FBXL7: variants seen among roughly 807,000 people sequenced by gnomAD.
FBXL7 encodes the protein F-box/LRR-repeat protein 7.
In FBXL7, 12 loss-of-function variants were observed where a neutral mutation model predicts 38.3. The ratio of observed to expected loss-of-function variants is 0.31; its 90% CI spans 0.20 to 0.51. FBXL7 has a LOEUF of 0.51. Among genes scored for constraint, FBXL7 ranks in the 20% least tolerant of loss-of-function variants. The pLI is 0.98. For synonymous variants in FBXL7, 297 were observed against 300.9 expected (o/e 0.99, Z 0.13); for missense variants, 567 against 676.4 (o/e 0.84, Z 1.79).
chr5:15,545,222 A>G (rs1737865733), intron 1 of FBXL7, among the ~76,000 whole-genome samples: 1 of 152,338 alleles, frequency 6.6e-6, no homozygotes, highest in African/African-American at 2.4e-5. Flanking sequence ...TCCCAGATCT[A>G]TCTGGTACCA....
intron 1 of FBXL7, among the ~76,000 whole-genome samples, chr5:15,558,711 A>C (rs1299043853): frequency 6.6e-6 from 1 of 152,222 alleles, no homozygotes; most frequent in Non-Finnish European, 1.5e-5. Context: ...TTAAACCCAC[A>C]TTGTATAGTG....
At chr5:15,725,868 G>T (rs1744333846) in intron 2 of FBXL7, among the ~76,000 whole-genome samples, 1 of 151,950 alleles carries the variant, frequency 6.6e-6, no homozygotes, top group Admixed American at 6.6e-5. Flanking sequence ...TGTTATTTCT[G>T]TGTTTATTAA....
chr5:15,633,872 C>A (rs4440359), intron 2 of FBXL7, among the ~76,000 whole-genome samples: 25,236 of 151,592 alleles, frequency 0.17, 2,204 homozygotes, highest in Non-Finnish European at 0.18. Context: ...CCTCCAACTC[C>A]CAGGTCCAAG....
chr5:15,562,844 A>T (rs1447490502), intron 1 of FBXL7, among the ~76,000 whole-genome samples: 2 of 152,150 alleles, frequency 1.3e-5, no homozygotes, highest in Non-Finnish European at 2.9e-5. Flanking sequence ...TCCCTGCCTT[A>T]ATGGGACTTA....
At chr5:15,734,242 C>T (rs1271980927) in intron 2 of FBXL7, among the ~76,000 whole-genome samples, 4 of 152,246 alleles carry the variant, frequency 2.6e-5, no homozygotes, top group African/African-American at 7.2e-5. Flanking sequence ...TCCTCATTCC[C>T]TCCAAAGCCA....
chr5:15,661,948 G>A (rs933132623), intron 2 of FBXL7, among the ~76,000 whole-genome samples: 1 of 152,144 alleles, frequency 6.6e-6, no homozygotes, highest in Non-Finnish European at 1.5e-5. Flanking sequence ...GGGCATTTAG[G>A]TTGATTCCAT....
chr5:15,556,326 C>T (rs1440511478), intron 1 of FBXL7, among the ~76,000 whole-genome samples: 1 of 151,990 alleles, frequency 6.6e-6, no homozygotes, highest in Non-Finnish European at 1.5e-5. Flanking sequence ...CCCAAGCAGC[C>T]AGGCATAGAG....
intron 2 of FBXL7, among the ~76,000 whole-genome samples, chr5:15,770,317 G>A (rs955970183): frequency 2.0e-5 from 3 of 152,114 alleles, no homozygotes; most frequent in Admixed American, 6.5e-5. Context: ...AGCTGGGGAG[G>A]GCCATGTCAG....
chr5:15,668,299 C>T (rs367686684), intron 2 of FBXL7, among the ~76,000 whole-genome samples: 1 of 151,912 alleles, frequency 6.6e-6, no homozygotes, highest in East Asian at 1.9e-4. Context: ...CTACGTTTTT[C>T]CTCAAGATCA....
chr5:15,564,855 A>C (rs181963732), intron 1 of FBXL7, among the ~76,000 whole-genome samples: 1 of 152,226 alleles, frequency 6.6e-6, no homozygotes, highest in Non-Finnish European at 1.5e-5. Context: ...CTCCTGCGCT[A>C]ATGATGCACA....
chr5:15,634,623 A>T, intron 2 of FBXL7, among the ~76,000 whole-genome samples: 1 of 152,064 alleles, frequency 6.6e-6, no homozygotes, highest in East Asian at 1.9e-4. Context: ...GCCTGGCTTT[A>T]TGCATCAGTT....
intron 2 of FBXL7, among the ~76,000 whole-genome samples, chr5:15,865,993 T>C (rs1239764293): frequency 6.6e-6 from 1 of 152,144 alleles, no homozygotes; most frequent in African/African-American, 2.4e-5. Flanking sequence ...TAAGAGTAGA[T>C]CTCCTACCCA....
intron 2 of FBXL7, among the ~76,000 whole-genome samples, chr5:15,843,147 G>A (rs761169089): frequency 3.3e-5 from 5 of 152,138 alleles, no homozygotes; most frequent in Non-Finnish European, 7.3e-5. Flanking sequence ...TTCTACATAT[G>A]TATAGTGTTA....
intron 2 of FBXL7, among the ~76,000 whole-genome samples, chr5:15,914,586 G>A (rs1485371611): frequency 6.6e-6 from 1 of 152,098 alleles, no homozygotes; most frequent in Non-Finnish European, 1.5e-5. Flanking sequence ...GTATGTACTA[G>A]CTAAGCCTAA....
intron 2 of FBXL7, among the ~76,000 whole-genome samples, chr5:15,652,787 C>T (rs1741753145): frequency 6.6e-6 from 1 of 152,170 alleles, no homozygotes; most frequent in Non-Finnish European, 1.5e-5. Flanking sequence ...TCAGAACACA[C>T]ACATTTATTG....
chr5:15,671,975 A>G (rs1742493028), intron 2 of FBXL7, among the ~76,000 whole-genome samples: 1 of 152,240 alleles, frequency 6.6e-6, no homozygotes. Flanking sequence ...ATAAATGTTT[A>G]TAGTAGGTCT....
At chr5:15,819,984 G>A (rs1738127778) in intron 2 of FBXL7, among the ~76,000 whole-genome samples, 1 of 152,126 alleles carries the variant, frequency 6.6e-6, no homozygotes, top group Non-Finnish European at 1.5e-5. Context: ...ATATTGGGAG[G>A]CCAGGCTGCC....
At chr5:15,531,287 C>A (rs1304820495) in intron 1 of FBXL7, among the ~76,000 whole-genome samples, 1 of 151,908 alleles carries the variant, frequency 6.6e-6, no homozygotes, top group Non-Finnish European at 1.5e-5. Flanking sequence ...CATACAAATA[C>A]ACAAAAAAGA....
chr5:15,689,878 T>G (rs1300381983), intron 2 of FBXL7, among the ~76,000 whole-genome samples: 1 of 152,228 alleles, frequency 6.6e-6, no homozygotes, highest in African/African-American at 2.4e-5. Flanking sequence ...ACAGAAATTT[T>G]GATCTTCATA....
Sources: allele counts gnomAD v4.1 joint callset (sites outside exome capture counted in the v4.1 genomes callset), GRCh38; gene constraint gnomAD v4.1.1; transcripts MANE v1.5; gene names NCBI Gene and HGNC (gene_info 2026-07-23, HGNC 2026-07-21).